The following ST6GALNAC3 variants were observed in gnomAD, a reference collection of about 807,000 sequenced individuals.
ST6GALNAC3 encodes ST6 N-acetylgalactosaminide alpha-2,6-sialyltransferase 3.
In ST6GALNAC3, 25 loss-of-function variants were observed where a neutral mutation model predicts 32.7. That is an observed-to-expected ratio of 0.76 (90% CI 0.56 to 1.07). ST6GALNAC3 has a LOEUF of 1.07. ST6GALNAC3 is among the 50% of genes least tolerant of loss of function. The probability of loss-of-function intolerance (pLI) is 0.00; values close to 1 mark genes in which losing one functional copy is unlikely to be tolerated. For missense variants in ST6GALNAC3, 355 were observed against 382.4 expected (o/e 0.93, Z 0.60); for synonymous variants, 129 against 133.1 (o/e 0.97, Z 0.21).
At chr1:76,618,378 C>A (rs892438107) in intron 3 of ST6GALNAC3, among the ~76,000 whole-genome samples, 1 of 152,112 alleles carries the variant, frequency 6.6e-6, no homozygotes, top group East Asian at 1.9e-4. Context: ...TACTTTATAC[C>A]TTTCTGAGCC....
intron 3 of ST6GALNAC3, among the ~76,000 whole-genome samples, chr1:76,510,740 C>G (rs377537322): frequency 6.6e-6 from 1 of 152,260 alleles, no homozygotes; most frequent in African/African-American, 2.4e-5. Context: ...CATAGCTAAA[C>G]CTGGCTTACC....
chr1:76,545,306 A>G (rs1245055378), intron 3 of ST6GALNAC3, among the ~76,000 whole-genome samples: 1 of 152,140 alleles, frequency 6.6e-6, no homozygotes, highest in African/African-American at 2.4e-5. Flanking sequence ...AAGTCAGGGG[A>G]CTACATTGCA....
chr1:76,265,137 T>C (rs1351235331), intron 1 of ST6GALNAC3, among the ~76,000 whole-genome samples: 3 of 152,138 alleles, frequency 2.0e-5, no homozygotes, highest in Non-Finnish European at 4.4e-5. Context: ...GTAGTACATA[T>C]CTTGAAGAGA....
At chr1:76,412,887 A>G in intron 3 of ST6GALNAC3, 1 of 237,320 alleles carries the variant, frequency 4.2e-6, no homozygotes, top group South Asian at 4.9e-5. Flanking sequence ...TTGCATGCAA[A>G]TAGGCACTGT....
chr1:76,619,798 C>A (rs192488207), intron 3 of ST6GALNAC3, among the ~76,000 whole-genome samples: 1 of 152,050 alleles, frequency 6.6e-6, no homozygotes, highest in Non-Finnish European at 1.5e-5. Context: ...GACTGTGTTC[C>A]TATTATTTTT....
chr1:76,208,050 C>A (rs1178195721), intron 1 of ST6GALNAC3, among the ~76,000 whole-genome samples: 21 of 111,080 alleles, frequency 1.9e-4, no homozygotes, highest in African/African-American at 6.1e-4. Context: ...TGCCCCCCCC[C>A]CCAAAAAATA....
chr1:76,315,336 C>T (rs1231736908), intron 2 of ST6GALNAC3, among the ~76,000 whole-genome samples: 1 of 152,136 alleles, frequency 6.6e-6, no homozygotes, highest in South Asian at 2.1e-4. Context: ...TCACAAGTGC[C>T]TGTCACAGGC....
intron 2 of ST6GALNAC3, among the ~76,000 whole-genome samples, chr1:76,384,283 TG>T (rs1372819537): frequency 3.9e-5 from 6 of 152,108 alleles, no homozygotes; most frequent in African/African-American, 1.4e-4. Flanking sequence ...AAGGAAATCA[TG>T]TTAAAAATAA....
chr1:76,456,334 T>C (rs1657787820), intron 3 of ST6GALNAC3, among the ~76,000 whole-genome samples: 2 of 152,158 alleles, frequency 1.3e-5, no homozygotes, highest in African/African-American at 4.8e-5. Context: ...TTCGTTTTTC[T>C]TTTCTTTCTT....
At chr1:76,341,970 C>T (rs1190930338) in intron 2 of ST6GALNAC3, among the ~76,000 whole-genome samples, 3 of 151,740 alleles carry the variant, frequency 2.0e-5, no homozygotes, top group African/African-American at 7.3e-5. Context: ...TTTGGTTTTC[C>T]GTTCCTGTGT....
intron 2 of ST6GALNAC3, among the ~76,000 whole-genome samples, chr1:76,400,182 A>T (rs1252199811): frequency 2.0e-5 from 3 of 152,190 alleles, no homozygotes; most frequent in Admixed American, 2.0e-4. Flanking sequence ...AAAACATTTT[A>T]TCAGACTAAG....
At chr1:76,276,731 A>G (rs1342030805) in intron 1 of ST6GALNAC3, among the ~76,000 whole-genome samples, 1 of 152,186 alleles carries the variant, frequency 6.6e-6, no homozygotes, top group African/African-American at 2.4e-5. Flanking sequence ...TAATGTTACT[A>G]TATAATGCAA....
intron 1 of ST6GALNAC3, among the ~76,000 whole-genome samples, chr1:76,081,406 G>A (rs1433592602): frequency 6.6e-6 from 1 of 151,986 alleles, no homozygotes; most frequent in East Asian, 1.9e-4. Flanking sequence ...ACAAGCTATA[G>A]AGCTTGTCTT....
chr1:76,175,733 C>T (rs983311129), intron 1 of ST6GALNAC3, among the ~76,000 whole-genome samples: 1 of 152,190 alleles, frequency 6.6e-6, no homozygotes, highest in African/African-American at 2.4e-5. Flanking sequence ...ACAGTTCTTT[C>T]TCTCTAAGCT....
At chr1:76,182,517 A>G (rs1653250515) in intron 1 of ST6GALNAC3, among the ~76,000 whole-genome samples, 1 of 152,184 alleles carries the variant, frequency 6.6e-6, no homozygotes, top group Non-Finnish European at 1.5e-5. Flanking sequence ...TTCAGTTTAC[A>G]CTATTGCACT....
chr1:76,577,897 A>G (rs1439051608), intron 3 of ST6GALNAC3, among the ~76,000 whole-genome samples: 1 of 152,120 alleles, frequency 6.6e-6, no homozygotes, highest in African/African-American at 2.4e-5. Context: ...TGAAGGCAAC[A>G]GACTAATTAA....
chr1:76,197,749 C>T (rs531327859), intron 1 of ST6GALNAC3, among the ~76,000 whole-genome samples: 15 of 152,218 alleles, frequency 9.9e-5, no homozygotes, highest in African/African-American at 2.9e-4. Context: ...AGGCAGGACC[C>T]TCTAAGCCTT....
chr1:76,525,780 T>G (rs1662838593), intron 3 of ST6GALNAC3, among the ~76,000 whole-genome samples: 1 of 93,534 alleles, frequency 1.1e-5, no homozygotes, highest in Non-Finnish European at 2.2e-5. Flanking sequence ...TTTGTGTGTG[T>G]GTGTGTGTGT....
chr1:76,217,863 C>T (rs1655556813), intron 1 of ST6GALNAC3, among the ~76,000 whole-genome samples: 1 of 152,160 alleles, frequency 6.6e-6, no homozygotes, highest in Non-Finnish European at 1.5e-5. Flanking sequence ...CTTTTTATGG[C>T]TGAGTAGTAT....
Sources: gnomAD v4.1 joint callset for allele counts (sites outside exome capture counted in the v4.1 genomes callset) on GRCh38, gnomAD v4.1.1 for gene constraint, MANE v1.5 for transcripts, NCBI Gene and HGNC (gene_info 2026-07-23, HGNC 2026-07-21) for gene names.